CSMD1: variants seen among roughly 807,000 people sequenced by gnomAD.
CSMD1 encodes the protein CUB and sushi domain-containing protein 1.
CSMD1 carries 213 observed loss-of-function variants against 417.5 expected under a neutral mutation model. The ratio of observed to expected loss-of-function variants is 0.51; its 90% CI spans 0.46 to 0.57. CSMD1 has a LOEUF of 0.57. Ranked by LOEUF, CSMD1 falls within the 20% of genes least tolerant of loss-of-function variation. The pLI is 0.00. For missense variants in CSMD1, 6,923 were observed against 4,529.7 expected, an observed-to-expected ratio of 1.53 and a Z score of -15.17; for synonymous variants, 2,862 against 1,736.8, an observed-to-expected ratio of 1.65 and a Z score of -16.11.
intron 4 of CSMD1, among the ~76,000 whole-genome samples, chr8:4,018,935 G>C (rs528967108): frequency 6.6e-6 from 1 of 152,082 alleles, no homozygotes; most frequent in Non-Finnish European, 1.5e-5. Flanking sequence ...AAGAACATAC[G>C]TAAGGCATGT....
chr8:4,852,726 CT>C (rs1229042391), intron 1 of CSMD1, among the ~76,000 whole-genome samples: 2 of 152,134 alleles, frequency 1.3e-5, no homozygotes, highest in African/African-American at 2.4e-5. Context: ...TCCTTAGAAA[CT>C]GGTTAAGTGG....
In CSMD1 at chr8:4,904,335, G is replaced by A. The variant is rs377378279; in HGVS notation, c.85+89997C>T. On this transcript the variant is annotated intron_variant, in intron 1 of 69. Coordinates refer to ENST00000635120, the MANE Select transcript of CSMD1 (RefSeq NM_033225.6). ...AAAATCAATAATTTATTACATCTATGAGTATTTATGCCTACAGCATGCAAG... is the reference window on the plus strand; with the variant it reads ...AAAATCAATAATTTATTACATCTATAAGTATTTATGCCTACAGCATGCAAG... 1.9e-4 allele frequency among the ~76,000 whole-genome samples: 29 copies of A among 152,288 alleles called. No individual in the cohort carries two copies. In the East Asian group the frequency reaches 4.8e-3, roughly 25 times the overall value.
chr8:4,402,889 G>T (rs1478652686), intron 3 of CSMD1, among the ~76,000 whole-genome samples: 1 of 145,962 alleles, frequency 6.9e-6, no homozygotes, highest in Non-Finnish European at 1.5e-5. Flanking sequence ...GCGCAATCTG[G>T]GCTCACTGCC....
At chr8:3,582,348 T>A (rs1243120081) in intron 9 of CSMD1, among the ~76,000 whole-genome samples, 3 of 152,136 alleles carry the variant, frequency 2.0e-5, no homozygotes, top group Non-Finnish European at 4.4e-5. Context: ...CGGAAGCAAA[T>A]TGAGACGCTA....
intron 5 of CSMD1, among the ~76,000 whole-genome samples, chr8:3,822,632 T>A (rs777075141): frequency 2.0e-5 from 3 of 152,182 alleles, no homozygotes; most frequent in Non-Finnish European, 4.4e-5. Flanking sequence ...CTACCTCTAC[T>A]TGCTTTATTA....
At chr8:3,794,665 G>C (rs909711280) in intron 5 of CSMD1, among the ~76,000 whole-genome samples, 2 of 151,512 alleles carry the variant, frequency 1.3e-5, no homozygotes, top group African/African-American at 2.4e-5. Flanking sequence ...TGATTATTTG[G>C]TATTTATCCT....
chr8:4,198,086 C>T (rs559532676), intron 3 of CSMD1, among the ~76,000 whole-genome samples: 13 of 152,310 alleles, frequency 8.5e-5, no homozygotes, highest in African/African-American at 2.6e-4. Flanking sequence ...CGAGGGAAGT[C>T]TGGGAGTCTG....
At chr8:4,968,426 G>A (rs1449828839) in intron 1 of CSMD1, among the ~76,000 whole-genome samples, 4 of 151,872 alleles carry the variant, frequency 2.6e-5, no homozygotes, top group Non-Finnish European at 5.9e-5. Flanking sequence ...CAAGCCCCTG[G>A]TAACCACTAT....
intron 1 of CSMD1, among the ~76,000 whole-genome samples, chr8:4,663,191 T>C (rs138935514): frequency 1.9e-4 from 29 of 152,266 alleles, no homozygotes; most frequent in African/African-American, 6.3e-4. Context: ...GCTGGTTCTC[T>C]TGGCAAGACA....
chr8:4,401,696 CATCTAATCCTCCT>C lies in CSMD1; in HGVS notation c.415+18244_415+18256del, dbSNP rs545122993. Among the ~76,000 whole-genome samples, 175 of 152,248 alleles carry C rather than the reference CATCTAATCCTCCT, an allele frequency of 1.1e-3. 1 individual carries two copies. The highest frequency in any genetic ancestry group is 4.2e-3 in the African/African-American group (173 of 41,542). ...CCAAATACCGGAAAAACTCACCTCC[CATCTAATCCTCCT>C]TCTTTGAGAATTCCCTTAACATTCC... On this transcript the variant is annotated intron_variant, in intron 3 of 69. Transcript: ENST00000635120.
chr8:3,164,909 G>A (rs563249970), intron 37 of CSMD1, among the ~76,000 whole-genome samples: 1 of 151,868 alleles, frequency 6.6e-6, no homozygotes, highest in East Asian at 1.9e-4. Context: ...ATTACATATT[G>A]ATTTATTGTC....
intron 3 of CSMD1, among the ~76,000 whole-genome samples, chr8:4,129,059 A>G (rs1802934225): frequency 7.6e-6 from 1 of 131,466 alleles, no homozygotes; most frequent in East Asian, 2.5e-4. Context: ...GTGGTTACAG[A>G]GTGAGAGTCC....
intron 23 of CSMD1, among the ~76,000 whole-genome samples, chr8:3,313,137 T>G (rs1805480905): frequency 6.6e-6 from 1 of 152,198 alleles, no homozygotes; most frequent in East Asian, 1.9e-4. Context: ...ATTAAAGACT[T>G]AAATGTTAGA....
intron 25 of CSMD1, among the ~76,000 whole-genome samples, chr8:3,288,430 G>T (rs889976405): frequency 2.0e-5 from 3 of 146,832 alleles, no homozygotes; most frequent in Non-Finnish European, 4.4e-5. Context: ...ATCTGGTCCT[G>T]GACTTTTTTT....
intron 2 of CSMD1, among the ~76,000 whole-genome samples, chr8:4,565,711 G>T (rs1170180463): frequency 1.4e-5 from 2 of 142,798 alleles, no homozygotes; most frequent in African/African-American, 5.3e-5. Flanking sequence ...CTCCAGCCTG[G>T]GTGACAGCGC....
At chr8:4,332,668 T>C (rs1194195830) in intron 3 of CSMD1, among the ~76,000 whole-genome samples, 1 of 151,702 alleles carries the variant, frequency 6.6e-6, no homozygotes, top group Non-Finnish European at 1.5e-5. Flanking sequence ...ACCGTTTTGC[T>C]AGCTGGCACC....
At chr8:3,358,103 C>G (rs1808915860) in intron 21 of CSMD1, among the ~76,000 whole-genome samples, 2 of 152,074 alleles carry the variant, frequency 1.3e-5, no homozygotes, top group African/African-American at 4.8e-5. Flanking sequence ...TTATGCTAAA[C>G]AAGTTATGCT....
In CSMD1 at chr8:3,240,091, G is replaced by A. The variant is rs1000207802; in HGVS notation, c.4154-9860C>T. Among the ~76,000 whole-genome samples, 46 of 152,216 alleles carry A rather than the reference G, an allele frequency of 3.0e-4. 2 individuals are homozygous for A. The highest frequency in any genetic ancestry group is 1.1e-3 in the African/African-American group (46 of 41,460). On this transcript the variant is annotated intron_variant, in intron 26 of 69. Coordinates refer to ENST00000635120, the MANE Select transcript of CSMD1 (RefSeq NM_033225.6). ...TAAAAGGATTAGGGTGGTGGCGGCTGCCACAAGAAGACTTGAGGGCTAGGC... is the reference window on the plus strand; with the variant it reads ...TAAAAGGATTAGGGTGGTGGCGGCTACCACAAGAAGACTTGAGGGCTAGGC...
chr8:3,597,799 A>C (rs1184646406), intron 8 of CSMD1, among the ~76,000 whole-genome samples: 1 of 152,062 alleles, frequency 6.6e-6, no homozygotes, highest in Non-Finnish European at 1.5e-5. Flanking sequence ...GAATACACGG[A>C]CACAGGGAGG....
Sources: allele counts gnomAD v4.1 joint callset (sites outside exome capture counted in the v4.1 genomes callset), GRCh38; gene constraint gnomAD v4.1.1; transcripts MANE v1.5; gene names NCBI Gene and HGNC (gene_info 2026-07-23, HGNC 2026-07-21).